Variants in SHANK2 observed in about 807,000 individuals in gnomAD.
The protein encoded by SHANK2 is SH3 and multiple ankyrin repeat domains 2.
A neutral mutation model predicts 133.7 loss-of-function variants in SHANK2; 43 were observed. The observed-to-expected ratio is 0.32, with a 90% CI of 0.25 to 0.41. The LOEUF (loss-of-function observed/expected upper bound fraction) is 0.41. Among genes scored for constraint, SHANK2 ranks in the 10% least tolerant of loss-of-function variants. The pLI, the probability that SHANK2 is intolerant of heterozygous loss-of-function variation, is 1.00. For synonymous variants in SHANK2, 1,017 were observed against 952.8 expected, an observed-to-expected ratio of 1.07 and a Z score of -1.24; for missense variants, 1,994 against 2,235.8, an observed-to-expected ratio of 0.89 and a Z score of 2.18.
chr11:70,649,826 C>T (rs941595668), intron 17 of SHANK2, among the ~76,000 whole-genome samples: 5 of 152,336 alleles, frequency 3.3e-5, no homozygotes, highest in South Asian at 4.2e-4. Flanking sequence ...GATTACATCC[C>T]AATGATCTGG....
chr11:70,915,245 C>T (rs1435195427), intron 10 of SHANK2, among the ~76,000 whole-genome samples: 1 of 152,178 alleles, frequency 6.6e-6, no homozygotes, highest in Admixed American at 6.5e-5. Context: ...CACTGGGAAT[C>T]TCATCTCAAA....
intron 3 of SHANK2, among the ~76,000 whole-genome samples, chr11:71,146,257 G>A (rs1276841011): frequency 2.6e-5 from 4 of 152,228 alleles, no homozygotes; most frequent in Non-Finnish European, 4.4e-5. Context: ...GTGGCTGGGC[G>A]ACTGGCCCCC....
chr11:71,203,675 T>G (rs538647096), intron 2 of SHANK2, among the ~76,000 whole-genome samples: 1 of 152,322 alleles, frequency 6.6e-6, no homozygotes. Context: ...GGGAATATCC[T>G]GTGTGGTAAG....
intron 14 of SHANK2, among the ~76,000 whole-genome samples, chr11:70,723,592 C>T (rs1946113447): frequency 6.6e-6 from 1 of 152,220 alleles, no homozygotes; most frequent in South Asian, 2.1e-4. Flanking sequence ...GCATGCCTCT[C>T]TCCTAACCCA....
At chr11:70,852,848 A>G (rs370799141) in intron 11 of SHANK2, among the ~76,000 whole-genome samples, 4 of 152,186 alleles carry the variant, frequency 2.6e-5, no homozygotes, top group East Asian at 3.9e-4. Flanking sequence ...GTCTCAATCA[A>G]TCAATCCACG....
chr11:70,796,721 G>T (rs1176556401), intron 14 of SHANK2, among the ~76,000 whole-genome samples: 1 of 151,978 alleles, frequency 6.6e-6, no homozygotes, highest in Non-Finnish European at 1.5e-5. Context: ...TAAATCCCGT[G>T]TGGTCTACCT....
chr11:71,152,167 C>T (rs1460637776), intron 2 of SHANK2, among the ~76,000 whole-genome samples: 1 of 152,166 alleles, frequency 6.6e-6, no homozygotes, highest in East Asian at 1.9e-4. Flanking sequence ...GGCCAGAGTG[C>T]AGGGGTGCAA....
At chr11:71,098,621 A>T (rs1951667371) in intron 6 of SHANK2, among the ~76,000 whole-genome samples, 1 of 152,190 alleles carries the variant, frequency 6.6e-6, no homozygotes, top group Admixed American at 6.5e-5. Flanking sequence ...TCCAGACATG[A>T]GTGGAGTCTG....
At chr11:70,904,341 G>A (rs921647466) in intron 10 of SHANK2, among the ~76,000 whole-genome samples, 8 of 152,076 alleles carry the variant, frequency 5.3e-5, no homozygotes, top group Non-Finnish European at 7.3e-5. Context: ...CGCAGGTGGC[G>A]TGGACTGCAA....
chr11:71,251,832 C>T (rs2135850694), intron 1 of SHANK2, among the ~76,000 whole-genome samples: 1 of 151,584 alleles, frequency 6.6e-6, no homozygotes, highest in South Asian at 2.1e-4. Context: ...CTGCTGCCGC[C>T]GCGCGCGCCT....
At chr11:70,677,521 CA>C (rs1250023058) in intron 15 of SHANK2, among the ~76,000 whole-genome samples, 1 of 152,200 alleles carries the variant, frequency 6.6e-6, no homozygotes, top group Non-Finnish European at 1.5e-5. Context: ...CCCTTGGCCA[CA>C]GCATGGGGGC....
intron 14 of SHANK2, among the ~76,000 whole-genome samples, chr11:70,731,060 G>A (rs1007540089): frequency 2.0e-5 from 3 of 152,068 alleles, no homozygotes; most frequent in African/African-American, 4.8e-5. Flanking sequence ...AAGCCCCAAC[G>A]CCTAATTTGA....
intron 11 of SHANK2, among the ~76,000 whole-genome samples, chr11:70,895,826 T>C (rs1238503339): frequency 6.6e-6 from 1 of 152,094 alleles, no homozygotes; most frequent in African/African-American, 2.4e-5. Flanking sequence ...TTGATTTCTT[T>C]TCTTTTTAGA....
chr11:70,794,905 T>C (rs1428911203), intron 14 of SHANK2, among the ~76,000 whole-genome samples: 4 of 152,188 alleles, frequency 2.6e-5, no homozygotes, highest in Admixed American at 6.5e-5. Context: ...CGTGGGTATA[T>C]ACATTTGTCA....
intron 2 of SHANK2, among the ~76,000 whole-genome samples, chr11:71,149,523 A>G (rs541137304): frequency 6.6e-6 from 1 of 151,426 alleles, no homozygotes; most frequent in South Asian, 2.1e-4. Context: ...GACACTCTTC[A>G]CTGACGGGTG....
At chr11:70,760,514 T>C (rs1249391525) in intron 14 of SHANK2, among the ~76,000 whole-genome samples, 1 of 152,258 alleles carries the variant, frequency 6.6e-6, no homozygotes, top group African/African-American at 2.4e-5. Flanking sequence ...TAACTACATT[T>C]GCAAAGATGC....
chr11:70,476,070 A>G (rs1476933816), intron 25 of SHANK2, among the ~76,000 whole-genome samples: 1 of 152,102 alleles, frequency 6.6e-6, no homozygotes. Flanking sequence ...AAAAATTAAA[A>G]AAAAAAAAAT....
intron 13 of SHANK2, among the ~76,000 whole-genome samples, chr11:70,806,790 C>T (rs1456141570): frequency 6.6e-6 from 1 of 152,226 alleles, no homozygotes; most frequent in African/African-American, 2.4e-5. Context: ...CCCTTCGATC[C>T]CTGAGACCCA....
At chr11:70,892,186 C>T (rs782295576) in intron 11 of SHANK2, among the ~76,000 whole-genome samples, 18 of 152,172 alleles carry the variant, frequency 1.2e-4, no homozygotes, top group Non-Finnish European at 1.8e-4. Context: ...TCTCTCCAGC[C>T]GCCAGGCTCC....
Sources: allele counts gnomAD v4.1 joint callset (sites outside exome capture counted in the v4.1 genomes callset), GRCh38; gene constraint gnomAD v4.1.1; transcripts MANE v1.5; gene names NCBI Gene and HGNC (gene_info 2026-07-23, HGNC 2026-07-21).